Variants in SELENOM observed in about 807,000 individuals in gnomAD.
SELENOM encodes selenoprotein SelM.
Under a neutral mutation model 14.5 loss-of-function variants are expected in SELENOM, and 17 were observed. That is an observed-to-expected ratio of 1.17 (90% confidence interval 0.80 to 1.76). The LOEUF is 1.76. SELENOM is among the 40% of genes most tolerant of loss of function. The probability of loss-of-function intolerance (pLI) is 0.00; values close to 1 mark genes in which losing one functional copy is unlikely to be tolerated. For missense variants in SELENOM, 230 were observed against 204.6 expected (o/e 1.12, Z -0.76); for synonymous variants, 102 against 93.3 (o/e 1.09, Z -0.54).
chr22:31,105,042 C>G lies in SELENOM; in HGVS notation c.366G>C (p.Ala122=). The change falls in exon 5 of 5, where the codon GCG becomes GCC. Residue 122 remains alanine, a synonymous_variant. Coordinates refer to ENST00000400299, the MANE Select transcript of SELENOM (RefSeq NM_080430.4). ...CCCACACGTACTCGGGGGGCACCTG[C>G]GCGTCGGGCGCCGCCTTGCGGTAGA... ...LGFYRKAAPD[A]QVPPEYVWAP... 4 of 1,611,654 alleles carry G rather than the reference C, an allele frequency of 2.5e-6. No homozygotes were observed. Among genetic ancestry groups the G allele is most frequent in the Non-Finnish European group, 3.4e-6 (4 of 1,179,502 alleles).
At position 31,107,478 on chromosome 22, in the gene SELENOM, G is replaced by A; in HGVS notation, c.28C>T (p.Leu10=). MSLLLPPLA[L]LLLLAALVAP... Reference sequence around the variant, plus strand: ...ACAAGCGCCGCGAGAAGCAGCAGCAGCGCCAGCGGAGGCAACAGGAGGCTC... The same window carrying A: ...ACAAGCGCCGCGAGAAGCAGCAGCAACGCCAGCGGAGGCAACAGGAGGCTC... Residue 10 remains leucine (L), a synonymous_variant, in exon 1 of 5, where the codon CTG becomes TTG. Transcript: ENST00000400299. 1.3e-6 allele frequency: 2 copies of A among 1,558,162 alleles called. No homozygotes were observed. Among genetic ancestry groups the A allele is most frequent in the South Asian group, 1.2e-5 (1 of 85,128 alleles).
intron 3 of SELENOM, 89 bp from the exon 4 acceptor site, chr22:31,105,375 G>A: frequency 1.5e-6 from 2 of 1,322,526 alleles, no homozygotes; most frequent in Non-Finnish European, 2.1e-6. Flanking sequence ...TGCCTCCTTT[G>A]CTCAGAGCTT....
At position 31,107,447 on chromosome 22, in the gene SELENOM, G is replaced by A. The variant is rs1401576835; in HGVS notation, c.59C>T (p.Pro20Leu). The change falls in exon 1 of 5, where the codon CCA (proline) becomes CTA (leucine). Residue 20 changes from proline (P) to leucine (L), a missense_variant. Coordinates refer to ENST00000400299, the MANE Select transcript of SELENOM (RefSeq NM_080430.4). ...CCGGTAGGCAGTGGCGGCTGTGGCT[G>A]GGGCCACAAGCGCCGCGAGAAGCAG... The part of the protein sequence containing the change: ...LLLLLAALVA[P>L]ATAATAYRPD... 3 of 1,568,246 alleles carry A rather than the reference G, an allele frequency of 1.9e-6. No individual in the cohort carries two copies. Among genetic ancestry groups the A allele is most frequent in the South Asian group, 1.2e-5 (1 of 85,748 alleles).
At chr22:31,105,323 GGGA>G (rs1310015479) in intron 3 of SELENOM, 37 bp from the exon 4 acceptor site, 2 of 1,571,494 alleles carry the variant, frequency 1.3e-6, no homozygotes, top group South Asian at 2.3e-5. Context: ...GGTGGGCAGA[GGGA>G]GGTGGTGGTT....
At chr22:31,105,432 A>C (rs2044392318) in intron 3 of SELENOM, 146 bp from the exon 4 acceptor site, 2 of 888,294 alleles carry the variant, frequency 2.3e-6, no homozygotes, top group Non-Finnish European at 3.5e-6. Flanking sequence ...ACGTGAGAAA[A>C]TTAGGGTTCA....
At chr22:31,106,079 A>C in intron 1 of SELENOM, 114 bp from the exon 2 acceptor site, 2 of 925,266 alleles carry the variant, frequency 2.2e-6, no homozygotes, top group Non-Finnish European at 3.6e-6. Flanking sequence ...TTATCCCCGG[A>C]TCAGCAGTTC....
chr22:31,107,243 G>A, intron 1 of SELENOM, 134 bp downstream of exon 1: 1 of 1,161,696 alleles, frequency 8.6e-7, no homozygotes, highest in Non-Finnish European at 1.2e-6. Flanking sequence ...GAACAGGAGG[G>A]ATGGTCCCGG....
chr22:31,107,359 G>T lies in SELENOM; in HGVS notation c.129+18C>A, dbSNP rs376569733. ...GTTGGGGAACGATAGTGCCGGGGCTGGAGGCCGGCGTACTCACCTCTACCC... is the reference window on the plus strand; with the variant it reads ...GTTGGGGAACGATAGTGCCGGGGCTTGAGGCCGGCGTACTCACCTCTACCC... On this transcript the variant is annotated intron_variant, in intron 1 of 4. Transcript: ENST00000400299. The T allele has an allele frequency of 7.6e-6, 12 of 1,587,830 alleles. No homozygotes were observed. The African/African-American group carries it at 1.6e-4, about 22-fold the overall frequency.
At position 31,105,780 on chromosome 22, in the gene SELENOM, A is replaced by C. The variant is rs555629509; in HGVS notation, c.166-88T>G. On this transcript the variant is annotated intron_variant, in intron 2 of 4. Transcript: ENST00000400299. ...CTGAAGCCCAGTGAGGTCATAAAGC[A>C]AGTCAGGTGCAGGCTAGACTCTCAG... is the stretch of plus-strand genomic sequence containing the variant. 6.2e-5 allele frequency: 94 copies of C among 1,526,530 alleles called. No homozygotes were observed. In the South Asian group the frequency reaches 1.1e-3, roughly 17 times the overall value. The allele number at this position is 1,526,530 out of a possible 1,614,324, so 94.6% of individuals were successfully genotyped here.
chr22:31,105,887 G>A (rs745718217), intron 2 of SELENOM, 43 bp downstream of exon 2: 1 of 1,593,930 alleles, frequency 6.3e-7, no homozygotes, highest in Non-Finnish European at 8.6e-7. Context: ...TCCCCAAGAG[G>A]CTCAGGGGGA....
In SELENOM at chr22:31,105,029, C is replaced by CG. The variant is rs770782057; in HGVS notation, c.378dup (p.Glu127ArgfsTer?). 25 of 1,610,622 alleles carry CG rather than the reference C, an allele frequency of 1.6e-5. No individual in the cohort carries two copies. Among genetic ancestry groups the CG allele is most frequent in the African/African-American group, 4.0e-5 (3 of 74,878 alleles). On this transcript the variant is annotated frameshift_variant, in exon 5 of 5. Transcript: ENST00000400299. LOFTEE classifies it high-confidence loss of function. ...GGCTTCGCGGGCGCCCACACGTACT[C>CG]GGGGGGCACCTGCGCGTCGGGCGCC...
At chr22:31,106,386 C>A in intron 1 of SELENOM, 1 of 220,628 alleles carries the variant, frequency 4.5e-6, no homozygotes, top group South Asian at 6.9e-5. Context: ...CTGGGGGCCC[C>A]CATTGGAGAC....
At chr22:31,106,268 G>A in intron 1 of SELENOM, 6 of 488,680 alleles carry the variant, frequency 1.2e-5, no homozygotes, top group Non-Finnish European at 2.2e-5. Context: ...CAATGCCCAG[G>A]GGAAATGATC....
chr22:31,106,361 C>T (rs778810668), intron 1 of SELENOM: 12 of 263,144 alleles, frequency 4.6e-5, no homozygotes, highest in Non-Finnish European at 8.3e-5. Context: ...CAGAAGGAAA[C>T]ACCTCAGAAT....
chr22:31,105,137 G>T lies in SELENOM; in HGVS notation c.280-9C>A. 1.2e-6 allele frequency: 2 copies of T among 1,613,436 alleles called. No individual in the cohort carries two copies. Among genetic ancestry groups the T allele is most frequent in the Non-Finnish European group, 1.7e-6 (2 of 1,179,684 alleles). On this transcript the variant is annotated splice_polypyrimidine_tract_variant and intron_variant, in intron 4 of 4. Coordinates refer to ENST00000400299, the MANE Select transcript of SELENOM (RefSeq NM_080430.4). The stretch of plus-strand genomic sequence containing the variant: ...TCACTGAGTGGGATGCGCTGAGGCG[G>T]AGGAGGGGCGGGGTCAGCAGGCTGG...
At chr22:31,105,449 T>A in intron 3 of SELENOM, 163 bp from the exon 4 acceptor site, 1 of 820,070 alleles carries the variant, frequency 1.2e-6, no homozygotes, top group Non-Finnish European at 2.0e-6. Flanking sequence ...TTCAAAGAAG[T>A]AAAGGGCCCT....
chr22:31,105,246 C>T lies in SELENOM; in HGVS notation c.241G>A (p.Glu81Lys). Residue 81 changes from glutamate to lysine, a missense_variant, in exon 4 of 5, where the codon GAG becomes AAG. Transcript: ENST00000400299. ...TAGCGGCGGCCCAGCAGCACGAGCT[C>T]AGGGTCGGCCCCAGGGAGGTGTTTC... The part of the protein sequence containing the change: ...VMKHLPGADP[E>K]LVLLGRRYEE... 6.2e-7 allele frequency: 1 copy of T among 1,613,068 alleles called. No individual in the cohort carries two copies. The highest frequency in any genetic ancestry group is 8.5e-7 in the Non-Finnish European group (1 of 1,179,686).
Position 31,104,863 on chromosome 22 carries a change from G to A in SELENOM, c.*107C>T. 1 of 1,280,060 alleles carries A rather than the reference G, an allele frequency of 7.8e-7. No homozygotes were observed. Among genetic ancestry groups the A allele is most frequent in the South Asian group, 1.6e-5 (1 of 61,496 alleles). 79.3% of individuals were successfully genotyped at this position (1,280,060 alleles called of 1,614,324 possible). ...CCCAACCCCATCCCTGCTGGCCCGG[G>A]GACGGGCATCGGCTCTCAGCAAGAG... On this transcript the variant is annotated 3_prime_UTR_variant, in exon 5 of 5. Transcript: ENST00000400299.
rs1237091392 is a variant in SELENOM, at chr22:31,104,951, C to G, written c.*19G>C. 1.2e-5 allele frequency: 19 copies of G among 1,540,460 alleles called. No individual in the cohort carries two copies. The highest frequency in any genetic ancestry group is 1.6e-5 in the Non-Finnish European group (18 of 1,147,452). ...CAGGACTCAGGCAGGTAGGTCCCAGCTCCGCCGCGCCCCCGGACCTACAGG... is the reference window on the plus strand; with the variant it reads ...CAGGACTCAGGCAGGTAGGTCCCAGGTCCGCCGCGCCCCCGGACCTACAGG... On this transcript the variant is annotated 3_prime_UTR_variant, in exon 5 of 5. Coordinates refer to ENST00000400299, the MANE Select transcript of SELENOM (RefSeq NM_080430.4).
Sources: gnomAD v4.1 joint callset for allele counts on GRCh38, gnomAD v4.1.1 for gene constraint, MANE v1.5 for transcripts, NCBI Gene and HGNC (gene_info 2026-07-23, HGNC 2026-07-21) for gene names.